CTNND2: variants seen among roughly 807,000 people sequenced by gnomAD.
CTNND2 encodes the protein catenin delta-2.
CTNND2 carries 22 observed loss-of-function variants against 144.4 expected under a neutral mutation model. The observed-to-expected ratio is 0.15, with a 90% CI of 0.11 to 0.22. The LOEUF (loss-of-function observed/expected upper bound fraction) is 0.22, where lower values mean the gene tolerates loss of function less well. Among genes scored for constraint, CTNND2 ranks in the 10% least tolerant of loss-of-function variants. The pLI, the probability that CTNND2 is intolerant of heterozygous loss-of-function variation, is 1.00. For missense variants in CTNND2, 1,353 were observed against 1,618.8 expected (o/e 0.84, Z 2.82); for synonymous variants, 751 against 695.6 (o/e 1.08, Z -1.25).
chr5:11,736,645 C>T (rs781205855), intron 1 of CTNND2, among the ~76,000 whole-genome samples: 4 of 152,074 alleles, frequency 2.6e-5, no homozygotes, highest in South Asian at 2.1e-4. Flanking sequence ...CTTCTAACTT[C>T]GCAGTAATAT....
intron 3 of CTNND2, chr5:11,508,310 G>C (rs1771273978): frequency 6.6e-6 from 1 of 152,228 alleles, no homozygotes; most frequent in Non-Finnish European, 1.5e-5. Context: ...GTTTCAGGCT[G>C]ATGTGGGATC....
chr5:11,485,384 C>T (rs1384553605), intron 3 of CTNND2, among the ~76,000 whole-genome samples: 175 of 116,506 alleles, frequency 1.5e-3, no homozygotes, highest in African/African-American at 6.5e-3. Flanking sequence ...TGCGCGCGCG[C>T]GCGTGCGCGC....
At chr5:10,999,245 G>A (rs852611) in intron 18 of CTNND2, among the ~76,000 whole-genome samples, 151,292 of 152,378 alleles carry the variant, frequency 0.99, 75,113 homozygotes, top group East Asian at 1. Flanking sequence ...TTATTCATTT[G>A]CTTCCCACTG....
chr5:11,774,880 G>A (rs1304988494), intron 1 of CTNND2, among the ~76,000 whole-genome samples: 5 of 152,090 alleles, frequency 3.3e-5, no homozygotes, highest in Non-Finnish European at 1.5e-5. Context: ...AACAACTAAC[G>A]TCAAATACTG....
At chr5:11,021,515 A>G (rs1251182600) in intron 17 of CTNND2, among the ~76,000 whole-genome samples, 1 of 152,206 alleles carries the variant, frequency 6.6e-6, no homozygotes, top group Non-Finnish European at 1.5e-5. Flanking sequence ...CTTTATTGTA[A>G]GTACAATATC....
At chr5:11,191,168 G>A (rs1044445727) in intron 11 of CTNND2, among the ~76,000 whole-genome samples, 2 of 152,196 alleles carry the variant, frequency 1.3e-5, no homozygotes, top group Admixed American at 6.5e-5. Context: ...GCTTGAAGGC[G>A]CAGCAGGTTC....
intron 7 of CTNND2, among the ~76,000 whole-genome samples, chr5:11,365,356 G>A (rs998911018): frequency 2.6e-5 from 4 of 152,180 alleles, no homozygotes; most frequent in African/African-American, 4.8e-5. Context: ...GTTCCCATCA[G>A]CAGTTTTTCC....
chr5:11,159,674 A>G lies in CTNND2; in HGVS notation c.2061T>C (p.Ile687=), dbSNP rs748960580. The change falls in exon 12 of 22, where the codon ATT becomes ATC. Residue 687 remains isoleucine, a synonymous_variant. Transcript: ENST00000304623. ...DALAVLTNAV[I]IPHSGWENSP... ...AATTTTCCCAGCCTGAGTGGGGGAT[A>G]ATCACCGCGTTGGTCAGTACTGCTA... is the stretch of plus-strand genomic sequence containing the variant. 6.8e-6 allele frequency: 11 copies of G among 1,613,440 alleles called. No homozygotes were observed. The highest frequency in any genetic ancestry group is 9.3e-6 in the Non-Finnish European group (11 of 1,179,766).
chr5:11,705,846 C>A (rs967545702), intron 2 of CTNND2, among the ~76,000 whole-genome samples: 2 of 152,160 alleles, frequency 1.3e-5, no homozygotes, highest in Non-Finnish European at 1.5e-5. Context: ...AAGAATATAG[C>A]ACAGTGATGG....
At chr5:11,843,864 T>G (rs1461360058) in intron 1 of CTNND2, among the ~76,000 whole-genome samples, 1 of 152,168 alleles carries the variant, frequency 6.6e-6, no homozygotes, top group East Asian at 1.9e-4. Context: ...ACCAGGTTTT[T>G]AAAGGAAAAA....
intron 1 of CTNND2, among the ~76,000 whole-genome samples, chr5:11,854,873 C>A (rs1255997671): frequency 6.6e-6 from 1 of 152,058 alleles, no homozygotes; most frequent in African/African-American, 2.4e-5. Flanking sequence ...TTTTTAAAAC[C>A]AAATATGATG....
chr5:11,432,121 C>CTTTT (rs5865940), intron 3 of CTNND2, among the ~76,000 whole-genome samples: 64 of 78,336 alleles, frequency 8.2e-4, no homozygotes, highest in African/African-American at 2.2e-3. Context: ...GAGGTTGAGG[C>CTTTT]TTTTTTTTTT....
chr5:11,303,405 C>T (rs1416744033), intron 9 of CTNND2, among the ~76,000 whole-genome samples: 1 of 152,220 alleles, frequency 6.6e-6, no homozygotes, highest in East Asian at 1.9e-4. Flanking sequence ...CTCACACTTT[C>T]TCTATGGCCC....
At chr5:11,122,451 T>C (rs574652790) in intron 12 of CTNND2, among the ~76,000 whole-genome samples, 8 of 151,916 alleles carry the variant, frequency 5.3e-5, no homozygotes, top group South Asian at 4.2e-4. Context: ...TGTCTTCCTA[T>C]GTCTGTTTCC....
intron 3 of CTNND2, among the ~76,000 whole-genome samples, chr5:11,459,354 C>T (rs1766003922): frequency 6.6e-6 from 1 of 152,136 alleles, no homozygotes; most frequent in Non-Finnish European, 1.5e-5. Context: ...AAATTTGCCA[C>T]TTTATGTAGA....
intron 3 of CTNND2, among the ~76,000 whole-genome samples, chr5:11,514,930 G>C (rs1376804503): frequency 2.0e-5 from 3 of 152,236 alleles, no homozygotes; most frequent in African/African-American, 7.2e-5. Context: ...CTCTTGAGTA[G>C]CTGGGATTAC....
intron 1 of CTNND2, among the ~76,000 whole-genome samples, chr5:11,811,546 G>A (rs1468120101): frequency 6.6e-6 from 1 of 152,140 alleles, no homozygotes; most frequent in Admixed American, 6.5e-5. Context: ...TCCATTTTGT[G>A]CATTTAAAAT....
intron 3 of CTNND2, among the ~76,000 whole-genome samples, chr5:11,504,214 C>T (rs900499125): frequency 2.6e-5 from 4 of 152,170 alleles, no homozygotes; most frequent in African/African-American, 9.7e-5. Flanking sequence ...TCCAGGGGAC[C>T]AAATCTACTC....
At chr5:11,386,327 G>A (rs1759088490) in intron 6 of CTNND2, among the ~76,000 whole-genome samples, 1 of 152,176 alleles carries the variant, frequency 6.6e-6, no homozygotes. Flanking sequence ...GGGTGGGGAG[G>A]AGGACTCCAG....
Sources: gnomAD v4.1 joint callset for allele counts (sites outside exome capture counted in the v4.1 genomes callset) on GRCh38, gnomAD v4.1.1 for gene constraint, MANE v1.5 for transcripts, NCBI Gene and HGNC (gene_info 2026-07-23, HGNC 2026-07-21) for gene names.